PRSS23: variants seen among roughly 807,000 people sequenced by gnomAD.
The protein encoded by PRSS23 is serine protease 23.
Under a neutral mutation model 34.7 loss-of-function variants are expected in PRSS23, and 25 were observed. The ratio of observed to expected loss-of-function variants is 0.72; its 90% CI spans 0.53 to 1.01. The LOEUF (loss-of-function observed/expected upper bound fraction) is 1.01. Ranked by LOEUF, PRSS23 falls within the 50% of genes least tolerant of loss-of-function variation. The pLI, the probability that PRSS23 is intolerant of heterozygous loss-of-function variation, is 0.00. For synonymous variants in PRSS23, 176 were observed against 186.6 expected, an observed-to-expected ratio of 0.94 and a Z score of 0.46; for missense variants, 445 against 475.6, an observed-to-expected ratio of 0.94 and a Z score of 0.60.
intron 1 of PRSS23, among the ~76,000 whole-genome samples, chr11:86,792,074 T>C (rs1298786696): frequency 1.3e-5 from 2 of 152,256 alleles, no homozygotes; most frequent in East Asian, 3.9e-4. Flanking sequence ...AATGTGCTGA[T>C]TATTTTCTGT....
At chr11:86,822,842 G>A (rs1030394232) in intron 1 of PRSS23, among the ~76,000 whole-genome samples, 2 of 152,144 alleles carry the variant, frequency 1.3e-5, no homozygotes, top group African/African-American at 2.4e-5. Flanking sequence ...TGCAGCGTGG[G>A]CAAGGAGGGA....
At chr11:86,796,611 A>G (rs941400010), upstream of PRSS23, among the ~76,000 whole-genome samples, 6 of 130,332 alleles carry the variant, frequency 4.6e-5, no homozygotes, top group African/African-American at 1.2e-4. Context: ...ACTGCACTCC[A>G]GCCTGGGCGA....
intron 2 of PRSS23, among the ~76,000 whole-genome samples, chr11:86,931,048 A>C (rs1372826906): frequency 6.6e-6 from 1 of 152,222 alleles, no homozygotes; most frequent in Non-Finnish European, 1.5e-5. Context: ...TTTAAGCAGG[A>C]AAGTGATGGG....
At chr11:86,828,302 G>A (rs892484248) in intron 2 of PRSS23, among the ~76,000 whole-genome samples, 20 of 152,052 alleles carry the variant, frequency 1.3e-4, no homozygotes, top group Non-Finnish European at 2.6e-4. Flanking sequence ...TTTTATCAGA[G>A]ACTAGGATTG....
chr11:86,889,760 T>C (rs1303984163), intron 2 of PRSS23, among the ~76,000 whole-genome samples: 2 of 152,216 alleles, frequency 1.3e-5, no homozygotes, highest in African/African-American at 4.8e-5. Flanking sequence ...GCTTCACCTG[T>C]CACTCCGAGA....
At chr11:86,889,841 C>T (rs919408983) in intron 2 of PRSS23, among the ~76,000 whole-genome samples, 1 of 152,208 alleles carries the variant, frequency 6.6e-6, no homozygotes, top group Non-Finnish European at 1.5e-5. Flanking sequence ...CCTTCTTTCT[C>T]TGATGTGCAG....
At chr11:86,869,046 C>CA (rs1948668424) in intron 2 of PRSS23, among the ~76,000 whole-genome samples, 1 of 152,116 alleles carries the variant, frequency 6.6e-6, no homozygotes, top group African/African-American at 2.4e-5. Flanking sequence ...GTCCTGGAGT[C>CA]AAGCGATCTG....
intron 2 of PRSS23, among the ~76,000 whole-genome samples, chr11:86,917,090 C>T (rs1457479594): frequency 5.9e-5 from 9 of 152,140 alleles, no homozygotes; most frequent in Non-Finnish European, 1.3e-4. Context: ...GAGGCCAAGG[C>T]GGGCAGATCA....
At chr11:86,918,809 T>C (rs1036755149) in intron 2 of PRSS23, among the ~76,000 whole-genome samples, 1 of 152,234 alleles carries the variant, frequency 6.6e-6, no homozygotes, top group Admixed American at 6.5e-5. Flanking sequence ...TTCTGCTACT[T>C]GGTATCTGAA....
chr11:86,943,790 C>T (rs1411966545), intron 2 of PRSS23, among the ~76,000 whole-genome samples: 1 of 152,044 alleles, frequency 6.6e-6, no homozygotes, highest in Non-Finnish European at 1.5e-5. Flanking sequence ...GATGCCCAGG[C>T]TGAAGTGCAA....
intron 2 of PRSS23, among the ~76,000 whole-genome samples, chr11:86,906,220 G>A (rs1000868879): frequency 8.5e-5 from 13 of 152,190 alleles, no homozygotes; most frequent in Non-Finnish European, 1.0e-4. Context: ...AGGCCACACC[G>A]GGATTGGAAA....
intron 2 of PRSS23, among the ~76,000 whole-genome samples, chr11:86,914,041 C>CT (rs1555081471): frequency 7.7e-5 from 1 of 12,922 alleles, no homozygotes; most frequent in East Asian, 2.6e-3. Flanking sequence ...ACCATCTCTA[C>CT]TAAAAAAAAA....
chr11:86,951,369 C>A lies in PRSS23; in HGVS notation c.*84C>A, dbSNP rs1226945382. 2.4e-5 allele frequency: 38 copies of A among 1,613,828 alleles called. No homozygotes were observed. The highest frequency in any genetic ancestry group is 3.2e-5 in the Non-Finnish European group (38 of 1,179,824). On this transcript the variant is annotated 3_prime_UTR_variant, in exon 3 of 3. Transcript: ENST00000533902. ...TCATCTGCAGAATACCGAAAAAGTG[C>A]CCAGTTGGAGATTTCATAAAAATAA...
intron 2 of PRSS23, among the ~76,000 whole-genome samples, chr11:86,918,290 T>C (rs1949026910): frequency 6.6e-6 from 1 of 152,148 alleles, no homozygotes; most frequent in Non-Finnish European, 1.5e-5. Context: ...GAGAAGGTAA[T>C]AGGAGGGTGG....
intron 2 of PRSS23, among the ~76,000 whole-genome samples, chr11:86,866,390 G>A (rs1948649673): frequency 6.6e-6 from 1 of 152,174 alleles, no homozygotes; most frequent in Admixed American, 6.5e-5. Flanking sequence ...GTCAGTGCAT[G>A]CAGGGTAAAA....
rs1188936589 is a variant in PRSS23, at chr11:86,951,262, G to A, written c.253G>A (p.Gly85Ser). ...ACTTCTGCCACGTGTGAAGAGTTTT[G>A]GCAGACCAAATCCACATGCCTGAAG... is the stretch of plus-strand genomic sequence containing the variant. The change falls in exon 3 of 3, where the codon GGC becomes AGC. Residue 85 changes from glycine to serine, a missense_variant. By Grantham distance (56) the Gly-to-Ser change is moderately conservative. Coordinates refer to the PRSS23 transcript ENST00000533902. 6.2e-7 allele frequency: 1 copy of A among 1,613,956 alleles called. No individual in the cohort carries two copies. Among genetic ancestry groups the A allele is most frequent in the African/African-American group, 1.3e-5 (1 of 74,956 alleles).
At chr11:86,842,739 G>A (rs1314014690) in intron 2 of PRSS23, among the ~76,000 whole-genome samples, 1 of 152,188 alleles carries the variant, frequency 6.6e-6, no homozygotes, top group African/African-American at 2.4e-5. Context: ...TCTTCAAGGA[G>A]AACAACAAAT....
At chr11:86,854,420 TCAGA>T (rs1480570340) in intron 2 of PRSS23, among the ~76,000 whole-genome samples, 1 of 152,218 alleles carries the variant, frequency 6.6e-6, no homozygotes, top group African/African-American at 2.4e-5. Context: ...CAGCCTCTTT[TCAGA>T]TGTATGATTT....
intron 2 of PRSS23, among the ~76,000 whole-genome samples, chr11:86,945,102 GA>G (rs1949231683): frequency 6.6e-6 from 1 of 151,834 alleles, no homozygotes; most frequent in African/African-American, 2.4e-5. Flanking sequence ...TGGATATGGG[GA>G]CACAGACCAT....
Sources: allele counts gnomAD v4.1 joint callset (sites outside exome capture counted in the v4.1 genomes callset), GRCh38; gene constraint gnomAD v4.1.1; transcripts MANE v1.5; gene names NCBI Gene and HGNC (gene_info 2026-07-23, HGNC 2026-07-21).